The following PRAMEF12 variants were observed in gnomAD, a reference collection of about 807,000 sequenced individuals.
PRAMEF12 encodes PRAME family member 12.
Under a neutral mutation model 24.6 loss-of-function variants are expected in PRAMEF12, and 24 were observed. The ratio of observed to expected loss-of-function variants is 0.98; its 90% CI spans 0.71 to 1.37. PRAMEF12 has a LOEUF of 1.37. Ranked by LOEUF, PRAMEF12 falls within the 40% of genes most tolerant of loss-of-function variation. The pLI, the probability that PRAMEF12 is intolerant of heterozygous loss-of-function variation, is 0.00. For missense variants in PRAMEF12, 646 were observed against 580.3 expected, an observed-to-expected ratio of 1.11 and a Z score of -1.16; for synonymous variants, 286 against 242.6, an observed-to-expected ratio of 1.18 and a Z score of -1.66.
chr1:12,775,640 AAG>A lies in PRAMEF12; in HGVS notation c.389_390del (p.Arg130ThrfsTer30). ...TGCACTCTCCCCAGAGGCCCTGAGT[AAG>A]AGACGAACAGCAGGGAACTGTCCAA... Reference protein sequence around the residue: ...ASALSPEALSKRRTAGNCPRP... With the variant: ...ASALSPEALSXRRTAGNCPRP... On this transcript the variant is annotated frameshift_variant, in exon 2 of 3. Coordinates refer to ENST00000357726, the MANE Select transcript of PRAMEF12 (RefSeq NM_001080830.5). LOFTEE classifies it high-confidence loss of function. 6.2e-7 allele frequency: 1 copy of A among 1,614,010 alleles called. No homozygotes were observed. Among genetic ancestry groups the A allele is most frequent in the Non-Finnish European group, 8.5e-7 (1 of 1,180,002 alleles).
At position 12,775,592 on chromosome 1, in the gene PRAMEF12, T is replaced by C. The variant is rs1026420806; in HGVS notation, c.337T>C (p.Trp113Arg). 3 of 1,613,812 alleles carry C rather than the reference T, an allele frequency of 1.9e-6. No individual in the cohort carries two copies. The highest frequency in any genetic ancestry group is 2.2e-5 in the South Asian group (2 of 91,070). ...CTTGCGGAATGTGGATGAGAACTTC[T>C]GGGGCATATGGTCTGGAGCTTCTGC... is the stretch of plus-strand genomic sequence containing the variant. ...LDLRNVDENF[W>R]GIWSGASALS... Residue 113 changes from tryptophan (W) to arginine (R), a missense_variant, in exon 2 of 3, where the codon TGG becomes CGG. Coordinates refer to ENST00000357726, the MANE Select transcript of PRAMEF12 (RefSeq NM_001080830.5).
chr1:12,777,311 C>T lies in PRAMEF12; in HGVS notation c.1164C>T (p.Ile388=). 1.2e-6 allele frequency: 2 copies of T among 1,612,970 alleles called. No homozygotes were observed. The highest frequency in any genetic ancestry group is 1.7e-6 in the Non-Finnish European group (2 of 1,179,864). Residue 388 remains isoleucine, a synonymous_variant, in exon 3 of 3, where the codon ATC becomes ATT. Coordinates refer to ENST00000357726, the MANE Select transcript of PRAMEF12 (RefSeq NM_001080830.5). The stretch of plus-strand genomic sequence containing the variant: ...CCTTCAGCTTCTGTGGGAACCTCAT[C>T]TCCATGGCCGCCCTGGAGAACCTGC... ...LSTFSFCGNL[I]SMAALENLLR...
At position 12,774,710 on chromosome 1, in the gene PRAMEF12, G is replaced by A. The variant is rs1197452889; in HGVS notation, c.-158G>A. On this transcript the variant is annotated 5_prime_UTR_variant, in exon 1 of 3. Transcript: ENST00000357726. ...AAGACATTCTTTATGGTACCAGCAA[G>A]GGCAGAATTACAGATTTGTGTCCAG... The A allele has an allele frequency of 5.9e-6, 4 of 676,828 alleles. No individual in the cohort carries two copies. The highest frequency in any genetic ancestry group is 9.8e-6 in the Non-Finnish European group (4 of 407,496). 41.9% of individuals were successfully genotyped at this position (676,828 alleles called of 1,614,324 possible).
At chr1:12,776,268 C>T (rs1639050618) in intron 2 of PRAMEF12, 150 bp downstream of exon 2, 4 of 848,052 alleles carry the variant, frequency 4.7e-6, no homozygotes, top group Non-Finnish European at 5.6e-6. Context: ...CTGTTGGCAG[C>T]TCTGTCCTGA....
Position 12,775,860 on chromosome 1 carries a change from T to C in PRAMEF12, c.605T>C (p.Leu202Pro). 1 of 1,614,076 alleles carries C rather than the reference T, an allele frequency of 6.2e-7. No homozygotes were observed. Among genetic ancestry groups the C allele is most frequent in the Non-Finnish European group, 8.5e-7 (1 of 1,180,010 alleles). The change falls in exon 2 of 3, where the codon CTA becomes CCA. Residue 202 changes from leucine to proline, a missense_variant. Transcript: ENST00000357726. ...ATAGAGGTCCTGAACACGGTGGAGCTAGACTGTATCCAGGAGGTGGAAGTG... is the reference window on the plus strand; with the variant it reads ...ATAGAGGTCCTGAACACGGTGGAGCCAGACTGTATCCAGGAGGTGGAAGTG... ...RIIEVLNTVE[L>P]DCIQEVEVCC...
rs143893735 is a variant in PRAMEF12, at chr1:12,773,770, C to T, written c.-1098C>T. On this transcript the variant is annotated 5_prime_UTR_variant, in exon 1 of 3. Coordinates refer to ENST00000357726, the MANE Select transcript of PRAMEF12 (RefSeq NM_001080830.5). ...GGCGCTGACACCTGGAGCTACTGCT[C>T]GGTTCTCTGAGAGGTTGCAGCACCC... Among the ~76,000 whole-genome samples, 621 of 152,270 alleles carry T rather than the reference C, an allele frequency of 4.1e-3. 1 individual carries two copies. Among genetic ancestry groups the T allele is most frequent in the African/African-American group, 7.2e-3 (298 of 41,554 alleles).
In PRAMEF12 at chr1:12,777,162, C is replaced by G. The variant is rs746525078; in HGVS notation, c.1015C>G (p.Leu339Val). 6 of 1,613,668 alleles carry G rather than the reference C, an allele frequency of 3.7e-6. No individual in the cohort carries two copies. In the East Asian group the frequency reaches 1.1e-4, roughly 30 times the overall value. Reference protein sequence around the residue: ...ITLTHFSPEPLSVLLEQAEAT... With the variant: ...ITLTHFSPEPVSVLLEQAEAT... ...ACTGACCCATTTCAGTCCTGAGCCC[C>G]TCTCAGTTCTGCTGGAGCAAGCTGA... is the stretch of plus-strand genomic sequence containing the variant. Residue 339 changes from leucine to valine, a missense_variant, in exon 3 of 3, where the codon CTC becomes GTC. By Grantham distance (32) the Leu-to-Val change is conservative. Transcript: ENST00000357726.
rs761231495 is a variant in PRAMEF12, at chr1:12,775,671, C to T, written c.416C>T (p.Pro139Leu). 24 of 1,613,872 alleles carry T rather than the reference C, an allele frequency of 1.5e-5. No homozygotes were observed. The highest frequency in any genetic ancestry group is 1.3e-4 in the Admixed American group (8 of 59,994). ...CGAACAGCAGGGAACTGTCCAAGGC[C>T]GGGTGGGCAGCAGCCCTTGATGGTG... ...KRRTAGNCPR[P>L]GGQQPLMVIL... Residue 139 changes from proline to leucine, a missense_variant, in exon 2 of 3, where the codon CCG becomes CTG. Coordinates refer to ENST00000357726, the MANE Select transcript of PRAMEF12 (RefSeq NM_001080830.5).
At position 12,775,730 on chromosome 1, in the gene PRAMEF12, G is replaced by A. The variant is rs1639040050; in HGVS notation, c.475G>A (p.Asp159Asn). The A allele has an allele frequency of 6.2e-7, 1 of 1,613,812 alleles. No individual in the cohort carries two copies. Among genetic ancestry groups the A allele is most frequent in the Non-Finnish European group, 8.5e-7 (1 of 1,179,994 alleles). The change falls in exon 2 of 3, where the codon GAT becomes AAT. Residue 159 changes from aspartate to asparagine, a missense_variant. Coordinates refer to ENST00000357726, the MANE Select transcript of PRAMEF12 (RefSeq NM_001080830.5). ...LDLCFKNGTL[D>N]ECLTHFLEWG... Reference sequence around the variant, plus strand: ...CCTTTGCTTCAAGAATGGGACGCTGGATGAATGCCTCACCCACTTCTTAGA... The same window carrying A: ...CCTTTGCTTCAAGAATGGGACGCTGAATGAATGCCTCACCCACTTCTTAGA...
rs77317880 is a variant in PRAMEF12, at chr1:12,777,585, G to A, written c.1438G>A (p.Gly480Ser). 17,760 of 1,547,822 alleles carry A rather than the reference G, an allele frequency of 0.011. No individual in the cohort carries two copies. Among genetic ancestry groups the A allele is most frequent in the East Asian group, 0.04 (1,688 of 42,034 alleles). ...CTGTCTGTTGAATGCCTGCTGTCAG[G>A]GTGGATTTATTTAAAGCTTTCTTCT... The part of the protein sequence containing the change: ...SHCLLNACCQ[G>S]GFI Residue 480 changes from glycine (G) to serine (S), a missense_variant, in exon 3 of 3, where the codon GGT (glycine) becomes AGT (serine). Physicochemically the swap from Gly to Ser is moderately conservative, Grantham distance 56 (BLOSUM62 0). Coordinates refer to ENST00000357726, the MANE Select transcript of PRAMEF12 (RefSeq NM_001080830.5).
In PRAMEF12 at chr1:12,777,107, G is replaced by A; in HGVS notation, c.960G>A (p.Gln320=). 1 of 1,613,964 alleles carries A rather than the reference G, an allele frequency of 6.2e-7. No homozygotes were observed. The highest frequency in any genetic ancestry group is 8.5e-7 in the Non-Finnish European group (1 of 1,179,976). The change falls in exon 3 of 3, where the codon CAG becomes CAA. Residue 320 remains glutamine (Q), a synonymous_variant. Transcript: ENST00000357726. ...KHLSWCPSIR[Q]LKELDLRGIT... The stretch of plus-strand genomic sequence containing the variant: ...TCTCTTGGTGCCCGAGCATCCGTCA[G>A]CTAAAAGAGCTAGACCTGAGGGGCA...
chr1:12,774,750 A>G lies in PRAMEF12; in HGVS notation c.-118A>G, dbSNP rs1422107262. The G allele has an allele frequency of 1.0e-6, 1 of 955,598 alleles. No homozygotes were observed. The highest frequency in any genetic ancestry group is 1.6e-6 in the Non-Finnish European group (1 of 638,980). The allele number at this position is 955,598 out of a possible 1,614,324, so 59.2% of individuals were successfully genotyped here. ...TTTGTGTCCAGAAAGTGCAGAGTGG[A>G]ATTGGGGTGAACTAATTACCTTTCC... On this transcript the variant is annotated 5_prime_UTR_variant, in exon 1 of 3. Coordinates refer to ENST00000357726, the MANE Select transcript of PRAMEF12 (RefSeq NM_001080830.5).
chr1:12,774,843 T>G lies in PRAMEF12; in HGVS notation c.-25T>G. 1 of 1,557,288 alleles carries G rather than the reference T, an allele frequency of 6.4e-7. No homozygotes were observed. The highest frequency in any genetic ancestry group is 8.7e-7 in the Non-Finnish European group (1 of 1,152,910). On this transcript the variant is annotated 5_prime_UTR_variant, in exon 1 of 3. An upstream start codon of the reference 5' UTR is lost. Coordinates refer to ENST00000357726, the MANE Select transcript of PRAMEF12 (RefSeq NM_001080830.5). ...GTGATGTGATTTGCCGTAAGAATGA[T>G]GTTTTTTTCTCTAGATTCATCAGGA... is the stretch of plus-strand genomic sequence containing the variant.
chr1:12,777,403 A>G lies in PRAMEF12; in HGVS notation c.1256A>G (p.Asp419Gly). Residue 419 changes from aspartate to glycine, a missense_variant, in exon 3 of 3, where the codon GAT becomes GGT. Asp to Gly is a moderately conservative substitution (Grantham distance 94). Transcript: ENST00000357726. ...ELYPAPLESY[D>G]AQGALCWGRF... ...TATCCTGCCCCTCTGGAGAGTTATGATGCCCAGGGTGCTCTCTGCTGGGGA... is the reference window on the plus strand; with the variant it reads ...TATCCTGCCCCTCTGGAGAGTTATGGTGCCCAGGGTGCTCTCTGCTGGGGA... The G allele has an allele frequency of 6.2e-7, 1 of 1,613,830 alleles. No individual in the cohort carries two copies. Among genetic ancestry groups the G allele is most frequent in the Non-Finnish European group, 8.5e-7 (1 of 1,179,876 alleles).
rs1639077321 is a variant in PRAMEF12, at chr1:12,777,638, A to G, written c.*39A>G. The G allele has an allele frequency of 6.2e-7, 1 of 1,607,744 alleles. No homozygotes were observed. Among genetic ancestry groups the G allele is most frequent in the African/African-American group, 1.3e-5 (1 of 74,896 alleles). ...TCATTTGGCAACTGAATCCTAGGCC[A>G]TGAGTGTATGTCAAAGGGAGCACAG... On this transcript the variant is annotated 3_prime_UTR_variant, in exon 3 of 3. Coordinates refer to ENST00000357726, the MANE Select transcript of PRAMEF12 (RefSeq NM_001080830.5).
rs1276542079 is a variant in PRAMEF12 at position 12,777,146 on chromosome 1, T to C, written c.999T>C (p.His333=). Residue 333 remains histidine (H), a synonymous_variant, in exon 3 of 3, where the codon CAT becomes CAC. Coordinates refer to ENST00000357726, the MANE Select transcript of PRAMEF12 (RefSeq NM_001080830.5). ...ACCTGAGGGGCATCACACTGACCCA[T>C]TTCAGTCCTGAGCCCCTCTCAGTTC... The part of the protein sequence containing the change: ...ELDLRGITLT[H]FSPEPLSVLL... 6.2e-7 allele frequency: 1 copy of C among 1,613,824 alleles called. No homozygotes were observed.
Position 12,775,953 on chromosome 1 carries a change from G to T in PRAMEF12, c.698G>T (p.Arg233Leu), listed in dbSNP as rs763764259. 4.3e-6 allele frequency: 7 copies of T among 1,614,024 alleles called. No homozygotes were observed. In the Admixed American group the frequency reaches 5.0e-5, roughly 12 times the overall value. Residue 233 changes from arginine to leucine, a missense_variant, in exon 2 of 3, where the codon CGC (arginine) becomes CTC (leucine). Physicochemically the swap from Arg to Leu is moderately radical, Grantham distance 102. Transcript: ENST00000357726. ...APYLGQMRNL[R>L]KLVLFNIHVS... is the part of the protein sequence containing the mutation. ...TACCTGGGCCAGATGAGGAATCTCC[G>T]CAAACTTGTTCTCTTCAACATCCAT... is the stretch of plus-strand genomic sequence containing the variant.
Position 12,777,757 on chromosome 1 carries a change from A to C in PRAMEF12, c.*158A>C. 1.3e-6 allele frequency: 1 copy of C among 773,634 alleles called. No homozygotes were observed. The highest frequency in any genetic ancestry group is 1.9e-5 in the South Asian group (1 of 53,604). 47.9% of individuals were successfully genotyped at this position (773,634 alleles called of 1,614,324 possible). A position where few individuals can be genotyped will look rare whatever the true frequency, so the allele number is the denominator to read the frequency against. ...GGGGAAAAGTTGAGTTGGAGTCAAT[A>C]GGAGCTTTAGAGACCTGTGTCCCAG... On this transcript the variant is annotated 3_prime_UTR_variant, in exon 3 of 3. Coordinates refer to ENST00000357726, the MANE Select transcript of PRAMEF12 (RefSeq NM_001080830.5).
Position 12,774,760 on chromosome 1 carries a change from A to G in PRAMEF12, c.-108A>G, listed in dbSNP as rs956952018. On this transcript the variant is annotated 5_prime_UTR_variant, in exon 1 of 3. The change abolishes the stop of an existing upstream ORF in the 5' untranslated region. Transcript: ENST00000357726. The stretch of plus-strand genomic sequence containing the variant: ...GAAAGTGCAGAGTGGAATTGGGGTG[A>G]ACTAATTACCTTTCCACCTCTACCA... The G allele has an allele frequency of 1.8e-6, 2 of 1,097,356 alleles. No individual in the cohort carries two copies. The highest frequency in any genetic ancestry group is 1.6e-5 in the African/African-American group (1 of 63,510). 68.0% of individuals were successfully genotyped at this position (1,097,356 alleles called of 1,614,324 possible). A position where few individuals can be genotyped will look rare whatever the true frequency, so the allele number is the denominator to read the frequency against.
Sources: gnomAD v4.1 joint callset for allele counts (sites outside exome capture counted in the v4.1 genomes callset) on GRCh38, gnomAD v4.1.1 for gene constraint, MANE v1.5 for transcripts, NCBI Gene and HGNC (gene_info 2026-07-23, HGNC 2026-07-21) for gene names.